Variants in ASIC2 observed in about 807,000 individuals in gnomAD.
The protein encoded by ASIC2 is acid-sensing ion channel 2.
In ASIC2, 25 loss-of-function variants were observed where a neutral mutation model predicts 57.3. That is an observed-to-expected ratio of 0.44 (90% CI 0.32 to 0.61). ASIC2 has a LOEUF of 0.61. ASIC2 is among the 20% of genes least tolerant of loss of function. The pLI, the probability that ASIC2 is intolerant of heterozygous loss-of-function variation, is 0.06. For synonymous variants in ASIC2, 319 were observed against 307.5 expected, an observed-to-expected ratio of 1.04 and a Z score of -0.39; for missense variants, 641 against 738.1, an observed-to-expected ratio of 0.87 and a Z score of 1.52.
At chr17:34,019,106 C>T (rs944605506) in intron 1 of ASIC2, among the ~76,000 whole-genome samples, 6 of 152,058 alleles carry the variant, frequency 3.9e-5, no homozygotes, top group Non-Finnish European at 5.9e-5. Flanking sequence ...GACGGGGTTT[C>T]GCTGTGTTAG....
At chr17:33,914,758 G>A (rs1416556850) in intron 1 of ASIC2, among the ~76,000 whole-genome samples, 1 of 152,186 alleles carries the variant, frequency 6.6e-6, no homozygotes, top group Non-Finnish European at 1.5e-5. Flanking sequence ...ATGACCTCAA[G>A]ATGCCTTCCA....
In ASIC2 at chr17:33,822,876, A is replaced by G. The variant is rs576002959; in HGVS notation, c.555+333102T>C. Among the ~76,000 whole-genome samples, 14 of 152,340 alleles carry G rather than the reference A, an allele frequency of 9.2e-5. No individual in the cohort carries two copies. In the South Asian group the frequency reaches 2.3e-3, roughly 25 times the overall value. On this transcript the variant is annotated intron_variant, in intron 1 of 9. Coordinates refer to the ASIC2 transcript ENST00000359872. ...TAGGGCTCGCTCTGTTGAAAGCAGC[A>G]TGGTTGAAAATGGAAAGCTTGATCA...
At chr17:33,916,437 G>T (rs1229361987) in intron 1 of ASIC2, among the ~76,000 whole-genome samples, 1 of 152,128 alleles carries the variant, frequency 6.6e-6, no homozygotes, top group Non-Finnish European at 1.5e-5. Flanking sequence ...GTAGGATCCT[G>T]GTGACATCAT....
At chr17:33,658,490 G>T (rs1001852760) in intron 1 of ASIC2, among the ~76,000 whole-genome samples, 18 of 152,198 alleles carry the variant, frequency 1.2e-4, no homozygotes, top group African/African-American at 3.9e-4. Flanking sequence ...CCTCATACTG[G>T]GTAGTTTGTA....
chr17:34,034,710 C>T (rs1461696728), intron 1 of ASIC2, among the ~76,000 whole-genome samples: 2 of 152,142 alleles, frequency 1.3e-5, no homozygotes, highest in African/African-American at 2.4e-5. Flanking sequence ...CATTCTTATA[C>T]ACCAATAACA....
chr17:33,278,199 A>AT (rs58668822), intron 1 of ASIC2, among the ~76,000 whole-genome samples: 12,934 of 137,544 alleles, frequency 0.094, 604 homozygotes, highest in African/African-American at 0.12. Context: ...GCCCTTATTC[A>AT]TTTTTTTTTT....
intron 3 of ASIC2, among the ~76,000 whole-genome samples, chr17:33,081,685 GT>G (rs1170982543): frequency 6.6e-6 from 1 of 152,198 alleles, no homozygotes; most frequent in African/African-American, 2.4e-5. Flanking sequence ...CACTTAGGAA[GT>G]TATAATTGGA....
At chr17:33,208,033 A>G (rs1467454599) in intron 1 of ASIC2, among the ~76,000 whole-genome samples, 1 of 152,232 alleles carries the variant, frequency 6.6e-6, no homozygotes, top group Non-Finnish European at 1.5e-5. Context: ...GAGCCAGACT[A>G]AGACTGGTTT....
chr17:33,356,697 C>T (rs1908386748), intron 1 of ASIC2, among the ~76,000 whole-genome samples: 1 of 152,158 alleles, frequency 6.6e-6, no homozygotes, highest in Non-Finnish European at 1.5e-5. Context: ...GGGCCAACAC[C>T]TGGCTGCACA....
chr17:33,400,827 C>T (rs112193232), intron 1 of ASIC2, among the ~76,000 whole-genome samples: 52 of 152,246 alleles, frequency 3.4e-4, no homozygotes, highest in African/African-American at 1.2e-3. Context: ...CCCCTGCCAC[C>T]CCTGCCAGCC....
At chr17:33,815,035 G>A (rs1007822496) in intron 1 of ASIC2, among the ~76,000 whole-genome samples, 6 of 152,202 alleles carry the variant, frequency 3.9e-5, no homozygotes, top group African/African-American at 1.4e-4. Flanking sequence ...CCAAGCATGG[G>A]CATTGAGGTA....
chr17:33,225,177 T>A (rs1441944098), intron 1 of ASIC2, among the ~76,000 whole-genome samples: 1 of 152,184 alleles, frequency 6.6e-6, no homozygotes, highest in East Asian at 1.9e-4. Context: ...TCGTTGCATA[T>A]GTTGAATACC....
At chr17:33,596,949 CAA>C (rs1423445658) in intron 1 of ASIC2, among the ~76,000 whole-genome samples, 3 of 152,188 alleles carry the variant, frequency 2.0e-5, no homozygotes, top group African/African-American at 7.2e-5. Context: ...GATGAGCTCT[CAA>C]AAAGACCCAG....
intron 1 of ASIC2, among the ~76,000 whole-genome samples, chr17:34,031,614 A>C (rs1333449238): frequency 6.6e-6 from 1 of 152,196 alleles, no homozygotes. Context: ...AAAGCTTTGA[A>C]AAAAAATTAG....
intron 1 of ASIC2, among the ~76,000 whole-genome samples, chr17:33,431,467 G>A (rs1196570768): frequency 7.2e-6 from 1 of 139,690 alleles, no homozygotes; most frequent in East Asian, 2.1e-4. Context: ...ACCCAGGCAT[G>A]GTGGCACACA....
chr17:34,029,648 TAAG>T (rs1171505127), intron 1 of ASIC2, among the ~76,000 whole-genome samples: 2 of 152,204 alleles, frequency 1.3e-5, no homozygotes, highest in Non-Finnish European at 2.9e-5. Context: ...TGTAGCCTTT[TAAG>T]AAGAGAAAAA....
intron 1 of ASIC2, among the ~76,000 whole-genome samples, chr17:33,768,566 T>C (rs1911002931): frequency 6.6e-6 from 1 of 152,120 alleles, no homozygotes; most frequent in Non-Finnish European, 1.5e-5. Context: ...CTGAAATTAA[T>C]AGAAGCAGGA....
chr17:33,925,618 C>G (rs942645609), intron 1 of ASIC2, among the ~76,000 whole-genome samples: 7 of 152,258 alleles, frequency 4.6e-5, no homozygotes, highest in Admixed American at 1.3e-4. Flanking sequence ...GGATCCCCCA[C>G]TCCACATTCT....
chr17:33,014,406 G>C (rs980163054), intron 9 of ASIC2, among the ~76,000 whole-genome samples: 3 of 151,970 alleles, frequency 2.0e-5, no homozygotes, highest in African/African-American at 7.3e-5. Context: ...CTCTCTCTTG[G>C]GGGCCTCCCT....
Sources: gnomAD v4.1 joint callset for allele counts (sites outside exome capture counted in the v4.1 genomes callset) on GRCh38, gnomAD v4.1.1 for gene constraint, MANE v1.5 for transcripts, NCBI Gene and HGNC (gene_info 2026-07-23, HGNC 2026-07-21) for gene names.